Variants in COL6A5 observed in about 807,000 individuals in gnomAD.
COL6A5 encodes collagen type VI alpha 5 chain, also known as collagen alpha-5(VI) chain.
COL6A5 carries 48 observed loss-of-function variants against 65.6 expected under a neutral mutation model. That is an observed-to-expected ratio of 0.73 (90% CI 0.58 to 0.93). COL6A5 has a LOEUF of 0.93. Among genes scored for constraint, COL6A5 ranks in the 40% least tolerant of loss-of-function variants. The probability of loss-of-function intolerance (pLI) is 0.00; values close to 1 mark genes in which losing one functional copy is unlikely to be tolerated. For missense variants in COL6A5, 914 were observed against 928.3 expected (o/e 0.98, Z 0.20); for synonymous variants, 291 against 322.8 (o/e 0.90, Z 1.05).
intron 8 of COL6A5, 50 bp from the exon 9 acceptor site, chr3:130,397,532 TC>T (rs1230108584): frequency 1.7e-5 from 24 of 1,414,576 alleles, no homozygotes; most frequent in Non-Finnish European, 2.3e-5. Flanking sequence ...CGTCTCTCCT[TC>T]CTTACTCCTG....
At chr3:130,426,165 A>C in intron 29 of COL6A5, 49 bp from the exon 30 acceptor site, 3 of 1,531,538 alleles carry the variant, frequency 2.0e-6, no homozygotes, top group Non-Finnish European at 2.7e-6. Flanking sequence ...TAAAGACTAA[A>C]GACTTCAGTT....
rs535540582 is a variant in COL6A5, at chr3:130,409,743, G to GCAT, written c.4543-263_4543-261dup. On this transcript the variant is annotated intron_variant and NMD_transcript_variant, in intron 18 of 41. Transcript: ENST00000312481. ...ATAGCCTAAGAATATTTGAACCAGTGCATCAGTGAAGCTGCCATCATAGAA... is the reference window on the plus strand; with the variant it reads ...ATAGCCTAAGAATATTTGAACCAGTGCATCATCAGTGAAGCTGCCATCATAGAA... Among the ~76,000 whole-genome samples, 913 of 152,246 alleles carry GCAT rather than the reference G, an allele frequency of 6.0e-3. 12 individuals carry two copies. Among genetic ancestry groups the GCAT allele is most frequent in the African/African-American group, 0.021 (872 of 41,542 alleles).
chr3:130,454,586 C>G (rs1176170669), intron 4 of COL6A5, among the ~76,000 whole-genome samples: 1 of 152,112 alleles, frequency 6.6e-6, no homozygotes, highest in African/African-American at 2.4e-5. Context: ...GAATAAACTT[C>G]TATTGAATAT....
At chr3:130,422,466 G>A (rs1426255677) in intron 27 of COL6A5, among the ~76,000 whole-genome samples, 1 of 151,814 alleles carries the variant, frequency 6.6e-6, no homozygotes, top group Non-Finnish European at 1.5e-5. Flanking sequence ...GATATTCGTA[G>A]TAACTGGATG....
chr3:130,409,480 G>A, intron 18 of COL6A5, 92 bp downstream of exon 18: 1 of 1,111,504 alleles, frequency 9.0e-7, no homozygotes, highest in Non-Finnish European at 1.3e-6. Context: ...TACCCTGTAG[G>A]CAAATGGTTG....
chr3:130,463,978 G>A (rs1287850303), intron 5 of COL6A5, among the ~76,000 whole-genome samples: 1 of 151,898 alleles, frequency 6.6e-6, no homozygotes, highest in African/African-American at 2.4e-5. Context: ...TAGTTCTGAG[G>A]GGTATTTTAG....
chr3:130,428,058 A>C (rs1937644324), upstream of COL6A5, among the ~76,000 whole-genome samples: 1 of 152,152 alleles, frequency 6.6e-6, no homozygotes, highest in Non-Finnish European at 1.5e-5. Context: ...GACCAAAGGT[A>C]GGTGGAAGGG....
intron 20 of COL6A5, 47 bp from the exon 21 acceptor site, chr3:130,413,498 C>T: frequency 6.6e-7 from 1 of 1,522,828 alleles, no homozygotes; most frequent in African/African-American, 1.4e-5. Flanking sequence ...CAAGGAACCC[C>T]TCCATTCAGA....
intron 1 of COL6A5, among the ~76,000 whole-genome samples, chr3:130,432,422 G>C (rs542941709): frequency 4.0e-5 from 6 of 151,818 alleles, no homozygotes; most frequent in Non-Finnish European, 7.4e-5. Context: ...ATGGTGGCGC[G>C]TGCCTGTAAT....
At chr3:130,469,274 G>A in exon 6 of COL6A5, 1 of 1,612,948 alleles carries the variant, frequency 6.2e-7, no homozygotes, top group Non-Finnish European at 8.5e-7. Flanking sequence ...TTTAGACAAA[G>A]ACGTCTTAAG....
At chr3:130,403,510 G>A (rs2107666588) in intron 12 of COL6A5, 99 bp from the exon 13 acceptor site, 5 of 1,017,336 alleles carry the variant, frequency 4.9e-6, no homozygotes, top group Non-Finnish European at 7.3e-6. Flanking sequence ...CTGCAACCAA[G>A]TTGGAGGAAG....
At chr3:130,351,197 A>T (rs1934691375) in intron 1 of COL6A5, among the ~76,000 whole-genome samples, 1 of 152,236 alleles carries the variant, frequency 6.6e-6, no homozygotes, top group South Asian at 2.1e-4. Flanking sequence ...TTAGACCTGA[A>T]ACCATAAGAT....
intron 4 of COL6A5, among the ~76,000 whole-genome samples, chr3:130,444,022 C>T (rs34340548): frequency 0.14 from 20,924 of 152,142 alleles, 1,895 homozygotes; most frequent in East Asian, 0.32. Flanking sequence ...GGCCCACCCT[C>T]AGGGGCGCAT....
At chr3:130,390,135 G>A (rs1936341760) in intron 6 of COL6A5, among the ~76,000 whole-genome samples, 1 of 152,168 alleles carries the variant, frequency 6.6e-6, no homozygotes. Context: ...ATGTTGAGAG[G>A]TGTACCTAAA....
intron 24 of COL6A5, 35 bp downstream of exon 24, chr3:130,416,854 A>C (rs1408256086): frequency 2.7e-6 from 3 of 1,109,068 alleles, no homozygotes; most frequent in Admixed American, 5.3e-5. Flanking sequence ...TTCTTTTAAA[A>C]ACATATTTTA....
At chr3:130,347,501 T>A (rs1489623150) in intron 1 of COL6A5, among the ~76,000 whole-genome samples, 1 of 152,198 alleles carries the variant, frequency 6.6e-6, no homozygotes, top group Non-Finnish European at 1.5e-5. Flanking sequence ...GTTATGAGCC[T>A]GTGAAAATAA....
chr3:130,418,271 C>G (rs1329855359), intron 24 of COL6A5, among the ~76,000 whole-genome samples: 6 of 152,074 alleles, frequency 3.9e-5, no homozygotes, highest in Non-Finnish European at 7.4e-5. Context: ...TCCTGCGTGC[C>G]TGCCTCAGGC....
chr3:130,483,042 A>G (rs1376157640), intron 7 of COL6A5, among the ~76,000 whole-genome samples: 3 of 152,194 alleles, frequency 2.0e-5, no homozygotes, highest in African/African-American at 7.2e-5. Flanking sequence ...CAGAAACCCT[A>G]CAAGCCAGAA....
rs926002823 is a variant in COL6A5 at position 130,410,395 on chromosome 3, G to T, written c.4609-76G>T. 3.8e-6 allele frequency: 4 copies of T among 1,042,778 alleles called. No homozygotes were observed. In the African/African-American group the frequency reaches 6.4e-5, roughly 17 times the overall value. 64.6% of individuals were successfully genotyped at this position (1,042,778 alleles called of 1,614,324 possible). On this transcript the variant is annotated intron_variant and NMD_transcript_variant, in intron 19 of 41. Transcript: ENST00000312481. ...ATTCTGCCATTTTAATAGTGCTTGA[G>T]GTTTTGATGCTGATGCCTTTGTGAT...
Sources: gnomAD v4.1 joint callset for allele counts (sites outside exome capture counted in the v4.1 genomes callset) on GRCh38, gnomAD v4.1.1 for gene constraint, MANE v1.5 for transcripts, NCBI Gene and HGNC (gene_info 2026-07-23, HGNC 2026-07-21) for gene names.